GRM7: variants seen among roughly 807,000 people sequenced by gnomAD.
GRM7 encodes glutamate metabotropic receptor 7.
Under a neutral mutation model 84.5 loss-of-function variants are expected in GRM7, and 35 were observed. The ratio of observed to expected loss-of-function variants is 0.41; its 90% confidence interval spans 0.32 to 0.55. GRM7 has a LOEUF of 0.55. Among genes scored for constraint, GRM7 ranks in the 20% least tolerant of loss-of-function variants. The probability of loss-of-function intolerance (pLI) is 0.19; values close to 1 mark genes in which losing one functional copy is unlikely to be tolerated. For synonymous variants in GRM7, 487 were observed against 455.1 expected (o/e 1.07, Z -0.89); for missense variants, 1,003 against 1,194.6 (o/e 0.84, Z 2.36).
chr3:7,275,076 A>G (rs1699004444), intron 2 of GRM7, among the ~76,000 whole-genome samples: 2 of 152,106 alleles, frequency 1.3e-5, no homozygotes, highest in African/African-American at 2.4e-5. Context: ...CTTCCAGTCT[A>G]CTAGTGAGCC....
chr3:7,276,805 T>TCCTTCCTTCCTTCCCTTCCTCCCTCCC (rs1699086677), intron 2 of GRM7, among the ~76,000 whole-genome samples: 1 of 1,342 alleles, frequency 7.5e-4, no homozygotes, highest in African/African-American at 8.7e-4. Flanking sequence ...CTTCCTTCCT[T>TCCTTCCTTCCTTCCCTTCCTCCCTCCC]TTTGGTGGTG....
chr3:7,708,966 G>A (rs1701490661), intron 9 of GRM7, among the ~76,000 whole-genome samples: 1 of 151,800 alleles, frequency 6.6e-6, no homozygotes, highest in Non-Finnish European at 1.5e-5. Flanking sequence ...CTAGAAAAGT[G>A]GAATTGAAAG....
intron 1 of GRM7, among the ~76,000 whole-genome samples, chr3:6,961,559 A>C (rs945110495): frequency 3.3e-5 from 5 of 152,124 alleles, no homozygotes; most frequent in Non-Finnish European, 7.4e-5. Context: ...CACACCCTCC[A>C]TCAATCGCAC....
chr3:7,270,905 G>T (rs1698829565), intron 2 of GRM7, among the ~76,000 whole-genome samples: 1 of 152,152 alleles, frequency 6.6e-6, no homozygotes, highest in African/African-American at 2.4e-5. Context: ...TTTGGTCCCA[G>T]TCCACCTGGA....
intron 1 of GRM7, among the ~76,000 whole-genome samples, chr3:7,003,624 T>C (rs541597401): frequency 6.6e-6 from 1 of 152,194 alleles, no homozygotes; most frequent in Non-Finnish European, 1.5e-5. Flanking sequence ...AGGTCTATGT[T>C]AAACATGTGC....
chr3:7,083,013 A>G (rs983380486), intron 1 of GRM7, among the ~76,000 whole-genome samples: 2 of 152,224 alleles, frequency 1.3e-5, no homozygotes, highest in Admixed American at 6.5e-5. Flanking sequence ...TGAAATGACA[A>G]CAAACGATTT....
intron 1 of GRM7, among the ~76,000 whole-genome samples, chr3:6,999,859 A>G (rs1270115341): frequency 6.6e-6 from 1 of 152,178 alleles, no homozygotes; most frequent in Non-Finnish European, 1.5e-5. Context: ...ATTGGGGATT[A>G]TGGGAATTGC....
intron 8 of GRM7, among the ~76,000 whole-genome samples, chr3:7,601,313 T>C (rs1044778103): frequency 3.3e-5 from 5 of 152,136 alleles, no homozygotes; most frequent in Non-Finnish European, 7.4e-5. Context: ...GTGCACAGCT[T>C]TCACCACATT....
chr3:6,862,155 A>G lies in GRM7; in HGVS notation c.519+248A>G, dbSNP rs770987177. Among the ~76,000 whole-genome samples, 4 of 152,048 alleles carry G rather than the reference A, an allele frequency of 2.6e-5. No individual in the cohort carries two copies. In the East Asian group the frequency reaches 5.8e-4, roughly 22 times the overall value. On this transcript the variant is annotated intron_variant, in intron 1 of 9. Coordinates refer to ENST00000357716, the MANE Select transcript of GRM7 (RefSeq NM_000844.4). This position sits in a 1 kb window ranked among gnomAD's most constrained non-coding sequence, Gnocchi z 5.2. ...GACATCTGGATTTATGGCCCCATTT[A>G]CAAGAAGCAATCTGCGAAAAACAAG...
chr3:7,040,125 A>G (rs988866696), intron 1 of GRM7, among the ~76,000 whole-genome samples: 19 of 152,194 alleles, frequency 1.2e-4, no homozygotes, highest in African/African-American at 3.9e-4. Context: ...GCCAGTTTAT[A>G]TAACACATTT....
intron 7 of GRM7, among the ~76,000 whole-genome samples, chr3:7,568,587 G>T (rs897106276): frequency 1.1e-4 from 17 of 152,334 alleles, no homozygotes; most frequent in African/African-American, 3.8e-4. Context: ...AGCTTGCAGG[G>T]AGGTGTGGAG....
intron 5 of GRM7, among the ~76,000 whole-genome samples, chr3:7,420,428 G>A (rs1450783433): frequency 1.3e-5 from 2 of 152,052 alleles, no homozygotes; most frequent in Admixed American, 1.3e-4. Flanking sequence ...TAACTCTTTG[G>A]TACTCTAAGA....
chr3:7,677,538 A>G (rs562144509), intron 8 of GRM7, among the ~76,000 whole-genome samples: 6 of 152,208 alleles, frequency 3.9e-5, no homozygotes, highest in Non-Finnish European at 8.8e-5. Context: ...AAGAGGATTC[A>G]GGGATGGAGG....
At chr3:7,286,991 T>G (rs1287604100) in intron 2 of GRM7, among the ~76,000 whole-genome samples, 1 of 152,136 alleles carries the variant, frequency 6.6e-6, no homozygotes, top group African/African-American at 2.4e-5. Context: ...AGGCACAGTT[T>G]GGGGTAAATT....
At chr3:7,334,983 T>C (rs572260856) in intron 4 of GRM7, among the ~76,000 whole-genome samples, 67 of 152,090 alleles carry the variant, frequency 4.4e-4, no homozygotes, top group Admixed American at 7.9e-4. Context: ...CAGTACACCA[T>C]TGACAGCACT....
chr3:7,453,318 T>G (rs140585763), intron 6 of GRM7, among the ~76,000 whole-genome samples: 2 of 152,036 alleles, frequency 1.3e-5, no homozygotes, highest in Non-Finnish European at 2.9e-5. Flanking sequence ...TCTGGCATGC[T>G]GTGAAACCCC....
At chr3:7,170,452 T>A (rs1694947343) in intron 2 of GRM7, among the ~76,000 whole-genome samples, 1 of 152,172 alleles carries the variant, frequency 6.6e-6, no homozygotes, top group South Asian at 2.1e-4. Flanking sequence ...CTTCTTAGGA[T>A]GACTATCTTC....
At chr3:7,461,374 G>A (rs1462486468) in intron 6 of GRM7, among the ~76,000 whole-genome samples, 4 of 152,140 alleles carry the variant, frequency 2.6e-5, no homozygotes, top group African/African-American at 9.7e-5. Context: ...AAAAGGGGAA[G>A]TAGTCTTCCA....
intron 2 of GRM7, among the ~76,000 whole-genome samples, chr3:7,237,782 C>G (rs569114646): frequency 1.3e-5 from 2 of 152,102 alleles, no homozygotes; most frequent in Non-Finnish European, 2.9e-5. Flanking sequence ...GCTTTTATTC[C>G]CTTATTTGGC....
Sources: gnomAD v4.1 joint callset for allele counts (sites outside exome capture counted in the v4.1 genomes callset) on GRCh38, gnomAD v4.1.1 for gene constraint, Gnocchi (gnomAD v3.1) non-coding constraint, MANE v1.5 for transcripts, NCBI Gene and HGNC (gene_info 2026-07-23, HGNC 2026-07-21) for gene names.